The following PCDHGB5 variants were observed in gnomAD, a reference collection of about 807,000 sequenced individuals.
The protein encoded by PCDHGB5 is protocadherin gamma-B5.
Under a neutral mutation model 62.9 loss-of-function variants are expected in PCDHGB5, and 48 were observed. The observed-to-expected ratio is 0.76, with a 90% CI of 0.61 to 0.97. PCDHGB5 has a LOEUF of 0.97. PCDHGB5 is among the 50% of genes least tolerant of loss of function. PCDHGB5 has a pLI of 0.00. For synonymous variants in PCDHGB5, 474 were observed against 511.2 expected (o/e 0.93, Z 0.98); for missense variants, 1,118 against 1,198.6 (o/e 0.93, Z 0.99).
rs774983500 is a variant in PCDHGB5 at position 141,490,973 on chromosome 5, G to T, written c.2398-3834G>T. ...GACTGGGAACACTCAGCCCCCCAGC[G>T]TCTCCCTCGCTCTGCTCCTCCTGGC... On this transcript the variant is annotated intron_variant, in intron 1 of 3. Transcript: ENST00000617380. The surrounding 1 kb of genome is among the most constrained non-coding windows in gnomAD (Gnocchi z 5.4). 1 of 1,613,932 alleles carries T rather than the reference G, an allele frequency of 6.2e-7. No individual in the cohort carries two copies. The highest frequency in any genetic ancestry group is 1.3e-5 in the African/African-American group (1 of 75,040).
At chr5:141,421,303 G>A (rs1456288695) in intron 1 of PCDHGB5, 1 of 1,613,660 alleles carries the variant, frequency 6.2e-7, no homozygotes, top group Non-Finnish European at 8.5e-7. Flanking sequence ...GACGCTGCGG[G>A]GGTTCCGGGC....
In PCDHGB5 at chr5:141,489,844, C is replaced by G. The variant is rs1004902910; in HGVS notation, c.2398-4963C>G. Reference sequence around the variant, plus strand: ...GCTGGTGCTAGAGCAGCAGCTGGATCGTGAAGCCCAGGCAAGACATCAGCT... The same window carrying G: ...GCTGGTGCTAGAGCAGCAGCTGGATGGTGAAGCCCAGGCAAGACATCAGCT... On this transcript the variant is annotated intron_variant, in intron 1 of 3. Coordinates refer to ENST00000617380, the MANE Select transcript of PCDHGB5 (RefSeq NM_018925.3). The surrounding 1 kb of genome is among the most constrained non-coding windows in gnomAD (Gnocchi z 4.5). The G allele has an allele frequency of 1.2e-6, 2 of 1,614,030 alleles. No individual in the cohort carries two copies. Among genetic ancestry groups the G allele is most frequent in the Non-Finnish European group, 8.5e-7 (1 of 1,179,990 alleles).
intron 1 of PCDHGB5, chr5:141,427,783 C>T (rs765131117): frequency 1.4e-6 from 2 of 1,460,966 alleles, no homozygotes; most frequent in Non-Finnish European, 1.9e-6. Flanking sequence ...CGGGCACTGT[C>T]GTCCTACGTG....
At chr5:141,404,616 A>G (rs940307932) in intron 1 of PCDHGB5, 3 of 1,614,168 alleles carry the variant, frequency 1.9e-6, no homozygotes, top group Non-Finnish European at 2.5e-6. Flanking sequence ...GTTTTGGACC[A>G]GAATGACAAT....
intron 1 of PCDHGB5, chr5:141,403,093 C>T (rs1368239890): frequency 6.2e-7 from 1 of 1,614,072 alleles, no homozygotes; most frequent in Non-Finnish European, 8.5e-7. Flanking sequence ...TTGTGGGCAA[C>T]ATCTCCAAGG....
In PCDHGB5 at chr5:141,434,915, T is replaced by A. The variant is rs1301814716; in HGVS notation, c.2397+34391T>A. Among the ~76,000 whole-genome samples, 3 of 151,830 alleles carry A rather than the reference T, an allele frequency of 2.0e-5. No homozygotes were observed. The East Asian group carries it at 5.8e-4, about 29-fold the overall frequency. ...GTCCCCTTCCCTCATACCTTATTTATGTACATATATTTTATATAATAGATA... is the reference window on the plus strand; with the variant it reads ...GTCCCCTTCCCTCATACCTTATTTAAGTACATATATTTTATATAATAGATA... On this transcript the variant is annotated intron_variant, in intron 1 of 3. Transcript: ENST00000617380.
At chr5:141,417,027 GGT>G (rs1491367168) in intron 1 of PCDHGB5, 2 of 134,514 alleles carry the variant, frequency 1.5e-5, no homozygotes, top group Non-Finnish European at 3.1e-5. Flanking sequence ...GAAAAATACA[GGT>G]TTTTTTTTTA....
intron 1 of PCDHGB5, among the ~76,000 whole-genome samples, chr5:141,464,748 T>A (rs995568259): frequency 2.0e-5 from 3 of 152,190 alleles, no homozygotes; most frequent in Admixed American, 2.0e-4. Flanking sequence ...TATCTTTTTG[T>A]TTTTTTAGAG....
At position 141,471,056 on chromosome 5, in the gene PCDHGB5, T is replaced by C. The variant is rs1367189715; in HGVS notation, c.2398-23751T>C. On this transcript the variant is annotated intron_variant, in intron 1 of 3. Coordinates refer to ENST00000617380, the MANE Select transcript of PCDHGB5 (RefSeq NM_018925.3). ...ACAAGCCCAAGCCCTCTTTTTTTTT[T>C]TTTTTTTTTTGAGACAGGGTCTCCC... Among the ~76,000 whole-genome samples, 581 of 150,056 alleles carry C rather than the reference T, an allele frequency of 3.9e-3. 6 individuals are homozygous for C. Among genetic ancestry groups the C allele is most frequent in the Admixed American group, 0.011 (167 of 15,092 alleles).
chr5:141,483,736 G>A (rs1296877404), intron 1 of PCDHGB5, among the ~76,000 whole-genome samples: 1 of 152,110 alleles, frequency 6.6e-6, no homozygotes, highest in Non-Finnish European at 1.5e-5. Flanking sequence ...ATAGTCAAAA[G>A]GATATTCCTG....
At position 141,399,976 on chromosome 5, in the gene PCDHGB5, C is replaced by CTGCGCACAGGAGAGG; in HGVS notation, c.1859_1873dup (p.Gly620_Thr624dup). ...CGAGCCCGGGCTCTTCAGCCTGGGG[C>CTGCGCACAGGAGAGG]TGCGCACAGGAGAGGTGCGCACAGC... On this transcript the variant is annotated inframe_insertion, in exon 1 of 4. Coordinates refer to ENST00000617380, the MANE Select transcript of PCDHGB5 (RefSeq NM_018925.3). The CTGCGCACAGGAGAGG allele has an allele frequency of 1.2e-6, 2 of 1,612,242 alleles. No individual in the cohort carries two copies. Among genetic ancestry groups the CTGCGCACAGGAGAGG allele is most frequent in the Non-Finnish European group, 1.7e-6 (2 of 1,179,662 alleles).
At chr5:141,430,811 A>T in intron 1 of PCDHGB5, 1 of 1,527,400 alleles carries the variant, frequency 6.5e-7, no homozygotes, top group Non-Finnish European at 8.8e-7. Context: ...CCTGCTGGGA[A>T]TCCTCCTGGG....
At chr5:141,401,016 A>G (rs910501602) in intron 1 of PCDHGB5, among the ~76,000 whole-genome samples, 2 of 152,182 alleles carry the variant, frequency 1.3e-5, no homozygotes, top group Admixed American at 6.5e-5. Context: ...TAATGGATTT[A>G]TGATTTTTTG....
At chr5:141,492,578 G>A (rs1380328678) in intron 1 of PCDHGB5, among the ~76,000 whole-genome samples, 1 of 152,216 alleles carries the variant, frequency 6.6e-6, no homozygotes, top group Non-Finnish European at 1.5e-5. Flanking sequence ...CGAGGCGCGG[G>A]GCCAGGAGCG....
At chr5:141,509,354 A>G (rs1229726913) in intron 3 of PCDHGB5, among the ~76,000 whole-genome samples, 2 of 152,144 alleles carry the variant, frequency 1.3e-5, no homozygotes, top group Non-Finnish European at 2.9e-5. Context: ...TGGCCTGGGC[A>G]TCCCTGAGGT....
At chr5:141,417,706 A>T in intron 1 of PCDHGB5, 1 of 1,214,910 alleles carries the variant, frequency 8.2e-7, no homozygotes, top group Non-Finnish European at 1.1e-6. Flanking sequence ...TCCCACACAG[A>T]GGCTCCCGGC....
chr5:141,420,769 C>T (rs2096524721), intron 1 of PCDHGB5, among the ~76,000 whole-genome samples: 1 of 152,212 alleles, frequency 6.6e-6, no homozygotes, highest in Admixed American at 6.5e-5. Flanking sequence ...AAGTTTTCAG[C>T]TCCAGTAATA....
Position 141,447,812 on chromosome 5 carries a change from G to A in PCDHGB5, c.2398-46995G>A, listed in dbSNP as rs557330895. 5.4e-4 allele frequency among the ~76,000 whole-genome samples: 82 copies of A among 152,254 alleles called. 1 individual carries two copies. The highest frequency in any genetic ancestry group is 1.3e-3 in the Admixed American group (20 of 15,294). On this transcript the variant is annotated intron_variant, in intron 1 of 3. Coordinates refer to ENST00000617380, the MANE Select transcript of PCDHGB5 (RefSeq NM_018925.3). ...TTTAAGAAAATAAAATTGGCTGGGC[G>A]TGGTGGCTCACGCCTGTAATCCCAG...
intron 1 of PCDHGB5, among the ~76,000 whole-genome samples, chr5:141,475,380 T>A (rs2099362720): frequency 6.6e-6 from 1 of 152,244 alleles, no homozygotes; most frequent in South Asian, 2.1e-4. Flanking sequence ...TACTTTTAAA[T>A]TTTATAAGCC....
Sources: allele counts gnomAD v4.1 joint callset (sites outside exome capture counted in the v4.1 genomes callset), GRCh38; gene constraint gnomAD v4.1.1; non-coding constraint Gnocchi (gnomAD v3.1); transcripts MANE v1.5; gene names NCBI Gene and HGNC (gene_info 2026-07-23, HGNC 2026-07-21).